Variants in SAXO3 observed in about 807,000 individuals in gnomAD.
The protein encoded by SAXO3 is stabilizer of axonemal microtubules 3.
the SAXO3 span, chr19:49,019,549 C>T: frequency 1.1e-5 from 13 of 1,186,072 alleles, no homozygotes; most frequent in Admixed American, 7.7e-5. Context: ...CCGCCCCAGA[C>T]CCTTTAGCCA....
the SAXO3 span, chr19:49,018,776 A>ACCGGCTCAGGGAATGGGAG: frequency 9.3e-7 from 1 of 1,074,386 alleles, no homozygotes; most frequent in African/African-American, 1.6e-5. Flanking sequence ...GGCTGAGACC[A>ACCGGCTCAGGGAATGGGAG]CCGGCTCAGG....
At chr19:49,020,485 G>C in the SAXO3 span, 1 of 398,920 alleles carries the variant, frequency 2.5e-6, no homozygotes, top group Admixed American at 4.4e-5. Context: ...GCAGAGATAC[G>C]ACAGCCCGGA....
chr19:49,019,284 T>C, the SAXO3 span: 1 of 1,211,120 alleles, frequency 8.3e-7, no homozygotes, highest in Non-Finnish European at 1.0e-6. Flanking sequence ...AAAAACAACC[T>C]CCCTGGTTCC....
chr19:49,019,834 A>G, the SAXO3 span: 1 of 1,259,474 alleles, frequency 7.9e-7, no homozygotes. Context: ...CCAGAGACTC[A>G]CGTGAAGGAG....
At chr19:49,018,980 C>T in the SAXO3 span, 2 of 1,533,592 alleles carry the variant, frequency 1.3e-6, no homozygotes, top group South Asian at 2.4e-5. Context: ...GCTCGGGGTT[C>T]TTCGTCCAGG....
chr19:49,019,192 C>T, the SAXO3 span: 29 of 1,406,672 alleles, frequency 2.1e-5, no homozygotes, highest in African/African-American at 2.9e-5. Context: ...CTTTCTCATA[C>T]CCGAACCCTT....
At chr19:49,018,374 C>T in the SAXO3 span, 1 of 1,203,556 alleles carries the variant, frequency 8.3e-7, no homozygotes, top group East Asian at 3.2e-5. Flanking sequence ...GAGGATACAG[C>T]TGGATCCTTG....
the SAXO3 span, chr19:49,019,259 A>C: frequency 2.3e-6 from 3 of 1,296,184 alleles, no homozygotes; most frequent in African/African-American, 1.5e-5. Context: ...ACTCAAACCC[A>C]AGCCCCCAGC....
chr19:49,018,268 C>T, the SAXO3 span: 1 of 1,048,454 alleles, frequency 9.5e-7, no homozygotes, highest in Non-Finnish European at 1.2e-6. Context: ...GGCCGTGGCT[C>T]CAGACCTGGG....
the SAXO3 span, chr19:49,019,715 G>T: frequency 8.6e-7 from 1 of 1,169,176 alleles, no homozygotes; most frequent in Non-Finnish European, 1.1e-6. Flanking sequence ...TCCGGGGCGC[G>T]CGGGTCCCCG....
chr19:49,019,671 G>T, the SAXO3 span: 4 of 1,252,830 alleles, frequency 3.2e-6, no homozygotes, highest in Non-Finnish European at 4.1e-6. Context: ...CGCGGTGGTG[G>T]TCTGCGAGTT....
chr19:49,019,284 T>G, the SAXO3 span: 2 of 1,211,118 alleles, frequency 1.7e-6, no homozygotes, highest in African/African-American at 4.3e-5. Flanking sequence ...AAAAACAACC[T>G]CCCTGGTTCC....
At chr19:49,020,484 C>T in the SAXO3 span, 3 of 398,906 alleles carry the variant, frequency 7.5e-6, no homozygotes, top group African/African-American at 4.1e-5. Flanking sequence ...TGCAGAGATA[C>T]GACAGCCCGG....
At chr19:49,020,392 T>G in the SAXO3 span, 9 of 400,820 alleles carry the variant, frequency 2.2e-5, no homozygotes, top group East Asian at 3.6e-5. Flanking sequence ...GTGGGCGGGG[T>G]GAAGGGTATG....
the SAXO3 span, chr19:49,019,957 C>T: frequency 6.6e-7 from 1 of 1,510,568 alleles, no homozygotes; most frequent in Non-Finnish European, 8.9e-7. Flanking sequence ...GGTCTGCAGG[C>T]TCTGGGGCTC....
At chr19:49,019,629 C>T in the SAXO3 span, 1 of 1,256,882 alleles carries the variant, frequency 8.0e-7, no homozygotes, top group East Asian at 3.1e-5. Context: ...TCGCCGGCGC[C>T]GGCTTCCACC....
chr19:49,020,324 A>G, the SAXO3 span: 80 of 416,966 alleles, frequency 1.9e-4, 1 homozygote, highest in East Asian at 2.6e-3. Context: ...TTTAGCCCCT[A>G]TCTTTCTGGG....
At chr19:49,018,532 C>T in the SAXO3 span, among the ~76,000 whole-genome samples, 6 of 152,128 alleles carry the variant, frequency 3.9e-5, no homozygotes, top group African/African-American at 1.2e-4. Context: ...GGAAACTGAG[C>T]TTTCGCATCC....
the SAXO3 span, chr19:49,020,282 C>A: frequency 2.3e-6 from 1 of 442,668 alleles, no homozygotes. Context: ...CCTCCTCCTT[C>A]AGAGAGGAGT....
Sources: allele counts gnomAD v4.1 joint callset (sites outside exome capture counted in the v4.1 genomes callset), GRCh38; gene constraint gnomAD v4.1.1; transcripts MANE v1.5; gene names NCBI Gene and HGNC (gene_info 2026-07-23, HGNC 2026-07-21).